Variants in ATXN2 observed in about 807,000 individuals in gnomAD.
ATXN2 encodes the protein ataxin-2.
A neutral mutation model predicts 138.6 loss-of-function variants in ATXN2; 37 were observed. The ratio of observed to expected loss-of-function variants is 0.27; its 90% CI spans 0.21 to 0.35. ATXN2 has a LOEUF of 0.35. Among genes scored for constraint, ATXN2 ranks in the 10% least tolerant of loss-of-function variants. The pLI is 1.00. For missense variants in ATXN2, 1,216 were observed against 1,480.3 expected, an observed-to-expected ratio of 0.82 and a Z score of 2.93; for synonymous variants, 549 against 543.7, an observed-to-expected ratio of 1.01 and a Z score of -0.13.
chr12:111,544,578 T>C (rs1881704200), intron 5 of ATXN2, among the ~76,000 whole-genome samples: 2 of 152,098 alleles, frequency 1.3e-5, no homozygotes, highest in African/African-American at 4.8e-5. Flanking sequence ...AGGAGGGAAC[T>C]TGTGTGTGGT....
chr12:111,535,364 C>T (rs1328552561), intron 5 of ATXN2, among the ~76,000 whole-genome samples: 3 of 152,154 alleles, frequency 2.0e-5, no homozygotes, highest in Non-Finnish European at 4.4e-5. Flanking sequence ...GTGGCTCACG[C>T]CTGTAATCCC....
At chr12:111,520,747 C>T in intron 7 of ATXN2, 135 bp downstream of exon 7, 1 of 562,162 alleles carries the variant, frequency 1.8e-6, no homozygotes, top group Non-Finnish European at 3.0e-6. Context: ...AAATTTATCA[C>T]AGTTGGTAAT....
chr12:111,596,205 AAC>A (rs35316415), intron 1 of ATXN2, among the ~76,000 whole-genome samples: 78,617 of 141,514 alleles, frequency 0.56, 23,089 homozygotes, highest in Non-Finnish European at 0.67. Flanking sequence ...TTCCATCCAA[AAC>A]ACACACACAC....
At chr12:111,553,528 G>A (rs114303122) in intron 3 of ATXN2, among the ~76,000 whole-genome samples, 124 of 113,326 alleles carry the variant, frequency 1.1e-3, no homozygotes, top group African/African-American at 4.3e-3. Flanking sequence ...CAAGAAAAAC[G>A]TCCGTACATC....
At chr12:111,494,090 C>T (rs560546798) in intron 14 of ATXN2, among the ~76,000 whole-genome samples, 9 of 151,784 alleles carry the variant, frequency 5.9e-5, no homozygotes, top group African/African-American at 2.2e-4. Context: ...CCACCATGTC[C>T]GGCTAATTTT....
At chr12:111,572,212 C>T (rs1338510254) in intron 1 of ATXN2, among the ~76,000 whole-genome samples, 1 of 151,926 alleles carries the variant, frequency 6.6e-6, no homozygotes, top group African/African-American at 2.4e-5. Flanking sequence ...CCAGCCTGAC[C>T]AAAATGGTGA....
At chr12:111,597,945 G>C in intron 1 of ATXN2, 3 of 1,249,940 alleles carry the variant, frequency 2.4e-6, no homozygotes. Context: ...TCTCCACTGC[G>C]GCCTCGAACA....
At chr12:111,469,565 T>C (rs1221987012) in intron 20 of ATXN2, 1 of 152,712 alleles carries the variant, frequency 6.5e-6, no homozygotes, top group Non-Finnish European at 1.5e-5. Flanking sequence ...TCTGTTCACA[T>C]TGGTTATATT....
rs2135862103 is a variant in ATXN2, at chr12:111,598,620, C to A, written c.251+164G>T. The stretch of plus-strand genomic sequence containing the variant: ...TCCCAGAGGACCCCGGCTGCGCCCA[C>A]CGGCCGAGCCTCGGGGCTCAGGCCC... On this transcript the variant is annotated intron_variant, in intron 1 of 24. Coordinates refer to ENST00000673436, the MANE Select transcript of ATXN2 (RefSeq NM_001372574.1). This position sits in a 1 kb window ranked among gnomAD's most constrained non-coding sequence, Gnocchi z 4.5. The A allele has an allele frequency of 4.2e-6, 4 of 955,226 alleles. No homozygotes were observed. The South Asian group carries it at 1.5e-4, about 35-fold the overall frequency. 59.2% of individuals were successfully genotyped at this position (955,226 alleles called of 1,614,324 possible).
chr12:111,592,304 T>C (rs953975289), intron 1 of ATXN2, among the ~76,000 whole-genome samples: 1 of 150,862 alleles, frequency 6.6e-6, no homozygotes, highest in African/African-American at 2.4e-5. Flanking sequence ...GGCAGGAGAA[T>C]TGCTTGAACC....
At position 111,599,266 on chromosome 12, in the gene ATXN2, G is replaced by A. The variant is rs1301641712; in HGVS notation, c.-232C>T. 8.4e-7 allele frequency: 1 copy of A among 1,189,442 alleles called. No individual in the cohort carries two copies. The highest frequency in any genetic ancestry group is 3.9e-5 in the East Asian group (1 of 25,916). 73.7% of individuals were successfully genotyped at this position (1,189,442 alleles called of 1,614,324 possible). Reference sequence around the variant, plus strand: ...GGGAGCCGGGCCGAAACGCGCCGCCGCCGTTGCCGTTGCTACCAAAACAGT... The same window carrying A: ...GGGAGCCGGGCCGAAACGCGCCGCCACCGTTGCCGTTGCTACCAAAACAGT... On this transcript the variant is annotated 5_prime_UTR_variant, in exon 1 of 25. Coordinates refer to ENST00000673436, the MANE Select transcript of ATXN2 (RefSeq NM_001372574.1).
At chr12:111,534,361 C>T (rs950905121) in intron 5 of ATXN2, among the ~76,000 whole-genome samples, 1 of 151,936 alleles carries the variant, frequency 6.6e-6, no homozygotes, top group Non-Finnish European at 1.5e-5. Context: ...AGATCTGCAT[C>T]ACCACACTCC....
chr12:111,545,521 G>T (rs967103009), intron 5 of ATXN2, among the ~76,000 whole-genome samples: 2 of 151,602 alleles, frequency 1.3e-5, no homozygotes, highest in African/African-American at 4.8e-5. Context: ...CTGAAATCAC[G>T]CCACTGCACT....
At chr12:111,523,682 C>T (rs1880317996) in intron 6 of ATXN2, among the ~76,000 whole-genome samples, 1 of 151,910 alleles carries the variant, frequency 6.6e-6, no homozygotes, top group Non-Finnish European at 1.5e-5. Context: ...GCCGAGATCG[C>T]ACCACTGCAC....
At chr12:111,580,736 G>C (rs555651836) in intron 1 of ATXN2, among the ~76,000 whole-genome samples, 1 of 147,056 alleles carries the variant, frequency 6.8e-6, no homozygotes, top group Admixed American at 6.9e-5. Context: ...GACAGAGAAA[G>C]AAAAAGAAAG....
In ATXN2 at chr12:111,453,994, TA is replaced by T. The variant is rs1874875407; in HGVS notation, c.3271-150del. 1 of 741,956 alleles carries T rather than the reference TA, an allele frequency of 1.3e-6. No individual in the cohort carries two copies. Among genetic ancestry groups the T allele is most frequent in the Admixed American group, 3.1e-5 (1 of 31,818 alleles). The allele number at this position is 741,956 out of a possible 1,614,324, so 46.0% of individuals were successfully genotyped here. A position where few individuals can be genotyped will look rare whatever the true frequency, so the allele number is the denominator to read the frequency against. ...TCTGTTCTCTGGGGACAATCTCTAG[TA>T]GATTATCTATTGACCTGAAGACGCG... On this transcript the variant is annotated intron_variant, in intron 23 of 24. Transcript: ENST00000673436. This position sits in a 1 kb window ranked among gnomAD's most constrained non-coding sequence, Gnocchi z 5.4.
chr12:111,595,414 G>A (rs533501010), intron 1 of ATXN2, among the ~76,000 whole-genome samples: 1 of 152,276 alleles, frequency 6.6e-6, no homozygotes, highest in East Asian at 1.9e-4. Flanking sequence ...GGCCGAGGCG[G>A]GCGCATCACC....
chr12:111,458,931 C>T (rs1170624489), intron 21 of ATXN2, among the ~76,000 whole-genome samples: 1 of 152,188 alleles, frequency 6.6e-6, no homozygotes, highest in Non-Finnish European at 1.5e-5. Context: ...CTAACAGTTA[C>T]GTCTCCAGCT....
chr12:111,467,652 A>C (rs1475924192), intron 20 of ATXN2, among the ~76,000 whole-genome samples: 1 of 152,100 alleles, frequency 6.6e-6, no homozygotes, highest in Admixed American at 6.5e-5. Flanking sequence ...GGCTCTAATG[A>C]CTAGTTCATT....
Sources: allele counts gnomAD v4.1 joint callset (sites outside exome capture counted in the v4.1 genomes callset), GRCh38; gene constraint gnomAD v4.1.1; non-coding constraint Gnocchi (gnomAD v3.1); transcripts MANE v1.5; gene names NCBI Gene and HGNC (gene_info 2026-07-23, HGNC 2026-07-21).